WRN: variants seen among roughly 807,000 people sequenced by gnomAD.
WRN encodes the protein bifunctional 3'-5' exonuclease/ATP-dependent helicase WRN.
A neutral mutation model predicts 180.7 loss-of-function variants in WRN; 149 were observed. The observed-to-expected ratio is 0.82, with a 90% confidence interval of 0.72 to 0.94. The LOEUF (loss-of-function observed/expected upper bound fraction) is 0.94, where lower values mean the gene tolerates loss of function less well. WRN is among the 40% of genes least tolerant of loss of function. The pLI is 0.00. For synonymous variants in WRN, 548 were observed against 568.9 expected, an observed-to-expected ratio of 0.96 and a Z score of 0.52; for missense variants, 1,661 against 1,700.1, an observed-to-expected ratio of 0.98 and a Z score of 0.40.
At chr8:31,105,932 T>G (rs1476738945) in intron 18 of WRN, among the ~76,000 whole-genome samples, 1 of 152,208 alleles carries the variant, frequency 6.6e-6, no homozygotes, top group Non-Finnish European at 1.5e-5. Flanking sequence ...CATATATATG[T>G]GTGTATACAC....
intron 20 of WRN, among the ~76,000 whole-genome samples, chr8:31,118,328 G>T (rs114165944): frequency 6.6e-6 from 1 of 151,930 alleles, no homozygotes; most frequent in Non-Finnish European, 1.5e-5. Context: ...AATTGATATG[G>T]TTTTTTCTCC....
intron 16 of WRN, among the ~76,000 whole-genome samples, chr8:31,096,546 A>T (rs1353931138): frequency 2.6e-5 from 4 of 152,144 alleles, no homozygotes; most frequent in African/African-American, 7.2e-5. Flanking sequence ...TTTTATCTGT[A>T]GTCTTTAGTG....
chr8:31,091,623 A>G (rs1169855243), intron 15 of WRN, among the ~76,000 whole-genome samples: 2 of 152,114 alleles, frequency 1.3e-5, no homozygotes, highest in Non-Finnish European at 2.9e-5. Context: ...CTGAGCTTGC[A>G]GTCTCTTTCA....
chr8:31,096,844 G>A lies in WRN; in HGVS notation c.1975G>A (p.Asp659Asn), dbSNP rs769901163. The change falls in exon 17 of 35, where the codon GAT (aspartate) becomes AAT (asparagine). Residue 659 changes from aspartate (D) to asparagine (N), a missense_variant. Transcript: ENST00000298139. ...GGGCCTGCTCCAGCAACTTGAGGCT[G>A]ATATTGGTAAGTGATAAAGAAAGAT... ...NMGLLQQLEA[D>N]IGITLIAVDE... The A allele has an allele frequency of 3.7e-6, 6 of 1,612,850 alleles. No individual in the cohort carries two copies. Among genetic ancestry groups the A allele is most frequent in the South Asian group, 1.1e-5 (1 of 91,044 alleles).
At chr8:31,080,126 C>G (rs888382640) in intron 8 of WRN, among the ~76,000 whole-genome samples, 7 of 152,214 alleles carry the variant, frequency 4.6e-5, no homozygotes, top group Non-Finnish European at 7.3e-5. Context: ...AGTGATTCAC[C>G]TGCCTCAGCC....
rs1804241499 is a variant in WRN at position 31,175,195 on chromosome 8, G to C, written c.*2093G>C. Among the ~76,000 whole-genome samples the C allele has an allele frequency of 6.6e-6, 1 of 152,132 alleles. No individual in the cohort carries two copies. Among genetic ancestry groups the C allele is most frequent in the South Asian group, 2.1e-4 (1 of 4,830 alleles). On this transcript the variant is annotated 3_prime_UTR_variant, in exon 35 of 35. Transcript: ENST00000298139. ...CTCACGCCTGTAATCCCAGCACTTT[G>C]GGAGGCCGAGGCGGGCGGATCACGA...
chr8:31,046,567 C>G (rs879431475), intron 1 of WRN, among the ~76,000 whole-genome samples: 10 of 152,168 alleles, frequency 6.6e-5, no homozygotes, highest in Non-Finnish European at 1.5e-4. Context: ...TTGTTCTCAT[C>G]TCTGCATTTT....
intron 1 of WRN, among the ~76,000 whole-genome samples, chr8:31,036,874 C>G (rs1272983758): frequency 2.0e-5 from 3 of 152,030 alleles, no homozygotes; most frequent in African/African-American, 7.3e-5. Flanking sequence ...ATCCCTTTGT[C>G]TATTTTTGCT....
intron 24 of WRN, among the ~76,000 whole-genome samples, chr8:31,135,112 G>A (rs1563372460): frequency 6.6e-6 from 1 of 152,092 alleles, no homozygotes; most frequent in Non-Finnish European, 1.5e-5. Context: ...GAATGCAGTG[G>A]TGTGATCATA....
chr8:31,140,704 C>A (rs1802586006), intron 24 of WRN, among the ~76,000 whole-genome samples: 1 of 152,180 alleles, frequency 6.6e-6, no homozygotes, highest in South Asian at 2.1e-4. Flanking sequence ...TGAGTTGTTG[C>A]ACTGCACTCA....
intron 33 of WRN, among the ~76,000 whole-genome samples, chr8:31,161,576 C>T (rs532008543): frequency 3.3e-5 from 5 of 152,116 alleles, no homozygotes; most frequent in African/African-American, 9.7e-5. Context: ...TGGTGGCTCA[C>T]GCCTGTAATC....
rs539530127 is a variant in WRN, at chr8:31,162,605, G to A, written c.3983-4417G>A. 7.9e-4 allele frequency among the ~76,000 whole-genome samples: 121 copies of A among 152,296 alleles called. 2 individuals are homozygous for A. The highest frequency in any genetic ancestry group is 2.9e-3 in the African/African-American group (119 of 41,560). On this transcript the variant is annotated intron_variant, in intron 33 of 34. Coordinates refer to ENST00000298139, the MANE Select transcript of WRN (RefSeq NM_000553.6). ...CAAGTATTATATACTGTACATAATT[G>A]TACATGCTAGACTTTTACACAGCTG...
intron 18 of WRN, among the ~76,000 whole-genome samples, chr8:31,102,249 T>C (rs1199526317): frequency 6.6e-6 from 1 of 152,242 alleles, no homozygotes; most frequent in East Asian, 1.9e-4. Flanking sequence ...ATCTGGTCTC[T>C]ATCTCTAAAA....
chr8:31,165,166 T>A (rs1166519839), intron 33 of WRN, among the ~76,000 whole-genome samples: 3 of 152,110 alleles, frequency 2.0e-5, no homozygotes, highest in East Asian at 1.9e-4. Context: ...CTTTTTCTTT[T>A]AAAATTAATT....
At chr8:31,163,608 T>C (rs1803722842) in intron 33 of WRN, among the ~76,000 whole-genome samples, 1 of 152,142 alleles carries the variant, frequency 6.6e-6, no homozygotes, top group African/African-American at 2.4e-5. Flanking sequence ...AATTAACTTA[T>C]TTATAATCAG....
At chr8:31,074,399 CTG>C (rs1034388823) in intron 7 of WRN, among the ~76,000 whole-genome samples, 17 of 152,052 alleles carry the variant, frequency 1.1e-4, no homozygotes, top group South Asian at 2.1e-4. Context: ...AATTAGCAAA[CTG>C]AAAAGTGGGA....
At chr8:31,144,790 A>G (rs746012140) in intron 28 of WRN, among the ~76,000 whole-genome samples, 1 of 152,258 alleles carries the variant, frequency 6.6e-6, no homozygotes, top group Non-Finnish European at 1.5e-5. Flanking sequence ...TGCAAAGGCA[A>G]AAGTTCCTGA....
Position 31,162,784 on chromosome 8 carries a change from G to A in WRN, c.3983-4238G>A, listed in dbSNP as rs185131315. On this transcript the variant is annotated intron_variant, in intron 33 of 34. Coordinates refer to ENST00000298139, the MANE Select transcript of WRN (RefSeq NM_000553.6). The stretch of plus-strand genomic sequence containing the variant: ...TACTTGTTCCTGTTGGCTGCCCGTC[G>A]TTGACTGCAACATCATTATGTGGTG... Among the ~76,000 whole-genome samples the A allele has an allele frequency of 6.6e-5, 10 of 152,202 alleles. No homozygotes were observed. In the East Asian group the frequency reaches 1.9e-3, roughly 29 times the overall value.
At chr8:31,089,169 A>G (rs1206745128) in intron 13 of WRN, among the ~76,000 whole-genome samples, 1 of 152,106 alleles carries the variant, frequency 6.6e-6, no homozygotes, top group African/African-American at 2.4e-5. Flanking sequence ...TTTATAAGTG[A>G]GGAAAAATGG....
Sources: allele counts gnomAD v4.1 joint callset (sites outside exome capture counted in the v4.1 genomes callset), GRCh38; gene constraint gnomAD v4.1.1; transcripts MANE v1.5; gene names NCBI Gene and HGNC (gene_info 2026-07-23, HGNC 2026-07-21).